SLC30A5: variants seen among roughly 807,000 people sequenced by gnomAD.
SLC30A5 encodes the protein proton-coupled zinc antiporter SLC30A5.
In SLC30A5, 33 loss-of-function variants were observed where a neutral mutation model predicts 79.6. The observed-to-expected ratio is 0.41, with a 90% CI of 0.31 to 0.55. The LOEUF is 0.55. SLC30A5 is among the 20% of genes least tolerant of loss of function. SLC30A5 has a pLI of 0.20. For missense variants in SLC30A5, 788 were observed against 928.1 expected (o/e 0.85, Z 1.96); for synonymous variants, 299 against 319.7 (o/e 0.94, Z 0.69).
At chr5:69,128,875 T>C (rs1381053826) in intron 15 of SLC30A5, among the ~76,000 whole-genome samples, 1 of 152,228 alleles carries the variant, frequency 6.6e-6, no homozygotes, top group African/African-American at 2.4e-5. Flanking sequence ...GTTTTCCTTT[T>C]CTACTGTGAA....
At chr5:69,122,657 C>CA (rs1746568289) in intron 13 of SLC30A5, among the ~76,000 whole-genome samples, 1 of 151,938 alleles carries the variant, frequency 6.6e-6, no homozygotes, top group African/African-American at 2.4e-5. Flanking sequence ...CTATCCAAAA[C>CA]AAAAAGAAAA....
intron 14 of SLC30A5, among the ~76,000 whole-genome samples, chr5:69,123,861 T>C (rs1746600002): frequency 6.6e-6 from 1 of 152,162 alleles, no homozygotes; most frequent in Non-Finnish European, 1.5e-5. Context: ...GATCCTACTT[T>C]GCAATTATAA....
chr5:69,095,196 C>CT (rs371189827), intron 1 of SLC30A5, among the ~76,000 whole-genome samples: 12,619 of 112,126 alleles, frequency 0.11, 1,908 homozygotes, highest in African/African-American at 0.32. Context: ...TATAACGTAA[C>CT]TTTTTTTTTT....
At chr5:69,125,249 G>A (rs943774160) in intron 14 of SLC30A5, among the ~76,000 whole-genome samples, 2 of 151,758 alleles carry the variant, frequency 1.3e-5, no homozygotes, top group East Asian at 2.0e-4. Context: ...AATTAGGGTC[G>A]GGCACGGTGG....
At chr5:69,097,185 G>C (rs183243637) in intron 1 of SLC30A5, among the ~76,000 whole-genome samples, 3,693 of 134,150 alleles carry the variant, frequency 0.028, 153 homozygotes, top group African/African-American at 0.098. Flanking sequence ...GCGCGATCTC[G>C]GCTCACTGCA....
At chr5:69,105,653 G>A (rs571921841) in intron 4 of SLC30A5, among the ~76,000 whole-genome samples, 20 of 145,144 alleles carry the variant, frequency 1.4e-4, no homozygotes, top group South Asian at 4.3e-4. Context: ...GCGAGACTCC[G>A]TCTCAAAAAA....
intron 1 of SLC30A5, among the ~76,000 whole-genome samples, chr5:69,098,489 A>G (rs1272317565): frequency 6.6e-6 from 1 of 152,250 alleles, no homozygotes; most frequent in African/African-American, 2.4e-5. Flanking sequence ...TTCTCTAAAC[A>G]TGGAATTACT....
chr5:69,105,160 A>T (rs759044650), intron 4 of SLC30A5, among the ~76,000 whole-genome samples: 1 of 152,218 alleles, frequency 6.6e-6, no homozygotes, highest in Non-Finnish European at 1.5e-5. Flanking sequence ...TAGTATATCA[A>T]TTATCAGATT....
intron 7 of SLC30A5, 89 bp from the exon 8 acceptor site, chr5:69,115,134 GGAAAAAAAAAAAAA>G (rs767052779): frequency 7.6e-6 from 5 of 659,936 alleles, no homozygotes; most frequent in Non-Finnish European, 1.2e-5. Context: ...CTGTCTCTGG[GGAAAAAAAAAAAAA>G]AAAAAAAAAA....
chr5:69,118,125 C>T (rs1299724939), intron 11 of SLC30A5, among the ~76,000 whole-genome samples: 28 of 140,474 alleles, frequency 2.0e-4, no homozygotes, highest in African/African-American at 7.2e-4. Context: ...TTCAGTGAGC[C>T]AAGATCGTGC....
At chr5:69,098,303 C>T (rs759475620) in intron 1 of SLC30A5, among the ~76,000 whole-genome samples, 7 of 152,034 alleles carry the variant, frequency 4.6e-5, no homozygotes, top group Non-Finnish European at 1.0e-4. Context: ...GTGGGTGGAT[C>T]ACCTGAGGTC....
At chr5:69,118,162 G>A (rs1343215847) in intron 11 of SLC30A5, among the ~76,000 whole-genome samples, 76 of 134,182 alleles carry the variant, frequency 5.7e-4, no homozygotes, top group Non-Finnish European at 7.4e-4. Flanking sequence ...GGGTGACAGA[G>A]CAAGACTCTG....
At chr5:69,104,184 C>A in intron 3 of SLC30A5, 1 of 1,069,890 alleles carries the variant, frequency 9.3e-7, no homozygotes, top group Non-Finnish European at 1.3e-6. Flanking sequence ...ATCGCCCAGG[C>A]TGCAGTGCAG....
Position 69,117,243 on chromosome 5 carries a change from T to G in SLC30A5, c.1286T>G (p.Phe429Cys). ...TTTTTTTGGTGACATTTTTAGCTTT[T>G]TACCTTTGTGGAATTATTCTATGGC... Reference protein sequence around the residue: ...IFYFLCLNLLFTFVELFYGVL... With the variant: ...IFYFLCLNLLCTFVELFYGVL... The change falls in exon 11 of 16, where the codon TTT becomes TGT. Residue 429 changes from phenylalanine (F) to cysteine (C), a missense_variant. Around this residue, in one of 3 missense-constraint regions of SLC30A5, gnomAD observed 626 missense variants for 755.5 expected, o/e 0.83. Transcript: ENST00000396591. 1 of 1,611,126 alleles carries G rather than the reference T, an allele frequency of 6.2e-7. No homozygotes were observed. Among genetic ancestry groups the G allele is most frequent in the Non-Finnish European group, 8.5e-7 (1 of 1,178,152 alleles).
chr5:69,121,716 T>G lies in SLC30A5; in HGVS notation c.1592T>G (p.Ile531Arg), dbSNP rs200038762. 1 of 1,613,272 alleles carries G rather than the reference T, an allele frequency of 6.2e-7. No homozygotes were observed. The highest frequency in any genetic ancestry group is 8.5e-7 in the Non-Finnish European group (1 of 1,179,552). Residue 531 changes from isoleucine to arginine, a missense_variant, in exon 13 of 16, where the codon ATA becomes AGA. Ile to Arg is a moderately conservative substitution (Grantham distance 97). Around this residue, in one of 3 missense-constraint regions of SLC30A5, gnomAD observed 626 missense variants for 755.5 expected, o/e 0.83. Coordinates refer to ENST00000396591, the MANE Select transcript of SLC30A5 (RefSeq NM_022902.5). ...MLTPVSVGGL[I>R]VNLIGICAFS... ...TAGCCAGTCTCAGTTGGAGGGCTGA[T>G]AGTAAACCTTATTGGTATCTGTGCC...
chr5:69,125,898 T>TAAAAAAAAAAAAAAAAAAAA (rs1167851324), intron 14 of SLC30A5, among the ~76,000 whole-genome samples: 3 of 102,510 alleles, frequency 2.9e-5, no homozygotes. Context: ...AAAAAAAAAT[T>TAAAAAAAAAAAAAAAAAAAA]AGCTGGGTGT....
intron 1 of SLC30A5, among the ~76,000 whole-genome samples, chr5:69,099,156 A>G (rs563618523): frequency 6.6e-6 from 1 of 152,352 alleles, no homozygotes; most frequent in Admixed American, 6.5e-5. Flanking sequence ...ACATTTCCCT[A>G]CCTGAGACAA....
rs755225986 is a variant in SLC30A5, at chr5:69,128,009, G to T, written c.2004G>T (p.Gln668His). 1.2e-6 allele frequency: 2 copies of T among 1,609,064 alleles called. No homozygotes were observed. ...TCACCTCTTTTATTTGACAGATACA[G>T]AAAATTGAAGGATTAATATCATACC... The part of the protein sequence containing the change: ...KELHIALEKI[Q>H]KIEGLISYRD... The change falls in exon 15 of 16, where the codon CAG (glutamine) becomes CAT (histidine). Residue 668 changes from glutamine (Q) to histidine (H), a missense_variant. Coordinates refer to ENST00000396591, the MANE Select transcript of SLC30A5 (RefSeq NM_022902.5).
chr5:69,117,394 T>C lies in SLC30A5; in HGVS notation c.1437T>C (p.Tyr479=), dbSNP rs1746400726. ...GGAAAGCCACTCGGATTTTCTCCTA[T>C]GGGTAGGTACATTGACTGTCGAGGT... ...SRWKATRIFS[Y]GYGRIEILSG... Residue 479 remains tyrosine (Y), a splice_region_variant and synonymous_variant, in exon 11 of 16, where the codon TAT becomes TAC. Coordinates refer to ENST00000396591, the MANE Select transcript of SLC30A5 (RefSeq NM_022902.5). The C allele has an allele frequency of 6.2e-7, 1 of 1,614,002 alleles. No homozygotes were observed. Among genetic ancestry groups the C allele is most frequent in the South Asian group, 1.1e-5 (1 of 91,066 alleles).
Sources: allele counts gnomAD v4.1 joint callset (sites outside exome capture counted in the v4.1 genomes callset), GRCh38; gene constraint gnomAD v4.1.1; regional missense constraint gnomAD v4.1.1; transcripts MANE v1.5; gene names NCBI Gene and HGNC (gene_info 2026-07-23, HGNC 2026-07-21).